Variants in ZC3H18 observed in about 807,000 individuals in gnomAD.
ZC3H18 encodes the protein zinc finger CCCH-type containing 18.
A neutral mutation model predicts 106.1 loss-of-function variants in ZC3H18; 8 were observed. The observed-to-expected ratio is 0.08, with a 90% CI of 0.04 to 0.14. The LOEUF (loss-of-function observed/expected upper bound fraction) is 0.14. Among genes scored for constraint, ZC3H18 ranks in the 10% least tolerant of loss-of-function variants. The pLI is 1.00. For synonymous variants in ZC3H18, 635 were observed against 522.1 expected (o/e 1.22, Z -2.95); for missense variants, 1,318 against 1,278.4 (o/e 1.03, Z -0.47).
chr16:88,597,417 T>A (rs1271633807), intron 3 of ZC3H18, among the ~76,000 whole-genome samples: 1 of 152,168 alleles, frequency 6.6e-6, no homozygotes, highest in Non-Finnish European at 1.5e-5. Context: ...TTGAAAAAAA[T>A]TTTTAAACCG....
intron 3 of ZC3H18, among the ~76,000 whole-genome samples, chr16:88,589,275 G>A (rs1426845769): frequency 1.3e-5 from 2 of 152,202 alleles, no homozygotes; most frequent in African/African-American, 4.8e-5. Flanking sequence ...AGAAGCTCCC[G>A]GGTACCCACT....
In ZC3H18 at chr16:88,609,048, C is replaced by T. The variant is rs757857183; in HGVS notation, c.1203C>T (p.Tyr401=). 3.1e-6 allele frequency: 5 copies of T among 1,610,432 alleles called. No individual in the cohort carries two copies. The highest frequency in any genetic ancestry group is 4.2e-6 in the Non-Finnish European group (5 of 1,177,368). ...QYTETEPYHN[Y]RERERERERE... Reference sequence around the variant, plus strand: ...CAGAAACAGAGCCGTATCATAATTACCGAGTAAGTATGACTTCAATATCCA... The same window carrying T: ...CAGAAACAGAGCCGTATCATAATTATCGAGTAAGTATGACTTCAATATCCA... Residue 401 remains tyrosine, a synonymous_variant, in exon 7 of 18, where the codon TAC becomes TAT. Transcript: ENST00000301011.
In ZC3H18 at chr16:88,631,617, G is replaced by C; in HGVS notation, c.*318G>C. 1 of 485,072 alleles carries C rather than the reference G, an allele frequency of 2.1e-6. No homozygotes were observed. The highest frequency in any genetic ancestry group is 4.1e-6 in the Non-Finnish European group (1 of 246,764). 30.0% of individuals were successfully genotyped at this position (485,072 alleles called of 1,614,324 possible). A position where few individuals can be genotyped will look rare whatever the true frequency, so the allele number is the denominator to read the frequency against. ...CTCCTCCGTCTTCTTCCCTGGCCCT[G>C]GTCAGGCCTGTGGAGCCCCAGCTCT... On this transcript the variant is annotated 3_prime_UTR_variant, in exon 18 of 18. Coordinates refer to ENST00000301011, the MANE Select transcript of ZC3H18 (RefSeq NM_144604.4).
chr16:88,611,369 AGAGCGGGAGCGCGAGCGC>A lies in ZC3H18; in HGVS notation c.1311_1328del (p.Glu437_Arg442del). 2 of 986,114 alleles carry A rather than the reference AGAGCGGGAGCGCGAGCGC, an allele frequency of 2.0e-6. No individual in the cohort carries two copies. Among genetic ancestry groups the A allele is most frequent in the Non-Finnish European group, 3.2e-6 (2 of 632,284 alleles). 61.1% of individuals were successfully genotyped at this position (986,114 alleles called of 1,614,324 possible). A position where few individuals can be genotyped will look rare whatever the true frequency, so the allele number is the denominator to read the frequency against. ...AGCGCCGGCAGAGGGAGCGCGAGCG[AGAGCGGGAGCGCGAGCGC>A]GACAAGGAGCGGCAGCGGAGGAAGG... On this transcript the variant is annotated inframe_deletion, in exon 8 of 18. Transcript: ENST00000301011.
intron 15 of ZC3H18, 146 bp from the exon 16 acceptor site, chr16:88,628,612 A>G (rs111575892): frequency 0.051 from 41,440 of 810,804 alleles, 1,168 homozygotes; most frequent in Non-Finnish European, 0.061. Flanking sequence ...TGGAGGCCTC[A>G]CTCAGGGCTA....
intron 1 of ZC3H18, 43 bp from the exon 2 acceptor site, chr16:88,577,067 C>A: frequency 6.7e-7 from 1 of 1,499,356 alleles, no homozygotes. Flanking sequence ...GGTTTGTTTT[C>A]CATTTTGCTA....
chr16:88,593,299 C>G (rs1904305361), intron 3 of ZC3H18, among the ~76,000 whole-genome samples: 1 of 152,174 alleles, frequency 6.6e-6, no homozygotes, highest in South Asian at 2.1e-4. Flanking sequence ...CGCCGTACCC[C>G]CAACGGTTGT....
chr16:88,607,231 T>C (rs945773436), intron 6 of ZC3H18, among the ~76,000 whole-genome samples: 5 of 152,294 alleles, frequency 3.3e-5, no homozygotes, highest in East Asian at 1.9e-4. Flanking sequence ...GCCTCCTCCT[T>C]CTGGCCGCCG....
intron 3 of ZC3H18, chr16:88,587,648 C>T (rs1915513774): frequency 6.6e-7 from 1 of 1,510,292 alleles, no homozygotes; most frequent in South Asian, 1.2e-5. Context: ...TCTTCAGTAC[C>T]TTAAAGTCCC....
intron 3 of ZC3H18, 43 bp downstream of exon 3, chr16:88,586,727 C>T: frequency 6.4e-7 from 1 of 1,564,118 alleles, no homozygotes; most frequent in African/African-American, 1.4e-5. Context: ...CAGCTGGGGC[C>T]CCACCTTCTG....
At chr16:88,602,544 G>C (rs950886093) in intron 6 of ZC3H18, among the ~76,000 whole-genome samples, 1 of 152,218 alleles carries the variant, frequency 6.6e-6, no homozygotes, top group African/African-American at 2.4e-5. Context: ...GAGAGCCCAG[G>C]CCAGTGGTTT....
chr16:88,606,356 G>T (rs1405875759), intron 6 of ZC3H18, among the ~76,000 whole-genome samples: 1 of 152,218 alleles, frequency 6.6e-6, no homozygotes, highest in Non-Finnish European at 1.5e-5. Context: ...GGAGCAGATG[G>T]TTCCGAGGCA....
chr16:88,624,413 G>A (rs1906163746), intron 11 of ZC3H18, 189 bp from the exon 12 acceptor site: 9 of 904,520 alleles, frequency 1.0e-5, no homozygotes, highest in Non-Finnish European at 1.5e-5. Flanking sequence ...GGGCTGCTGG[G>A]GGCTTTGAAG....
At chr16:88,622,540 G>T in intron 9 of ZC3H18, 152 bp downstream of exon 9, 2 of 818,364 alleles carry the variant, frequency 2.4e-6, no homozygotes, top group South Asian at 3.9e-5. Flanking sequence ...CTAACCCGGC[G>T]TTTATACCTT....
At chr16:88,601,074 CT>C (rs1204963166) in intron 6 of ZC3H18, among the ~76,000 whole-genome samples, 1 of 152,248 alleles carries the variant, frequency 6.6e-6, no homozygotes, top group East Asian at 1.9e-4. Flanking sequence ...TCAAGGCCTT[CT>C]TGCCGCGAGC....
At chr16:88,598,432 C>G (rs571143827) in intron 4 of ZC3H18, 106 bp downstream of exon 4, 22 of 1,507,956 alleles carry the variant, frequency 1.5e-5, no homozygotes, top group Non-Finnish European at 1.8e-5. Context: ...CTCAGTGCCC[C>G]CTTTCGGCTG....
chr16:88,598,100 C>G, intron 3 of ZC3H18, 78 bp from the exon 4 acceptor site: 1 of 266,570 alleles, frequency 3.8e-6, no homozygotes, highest in Non-Finnish European at 7.3e-6. Context: ...CTGCCCCCTC[C>G]CACCCCCCAC....
At chr16:88,619,274 A>C (rs1905811313) in intron 8 of ZC3H18, among the ~76,000 whole-genome samples, 1 of 152,002 alleles carries the variant, frequency 6.6e-6, no homozygotes, top group Non-Finnish European at 1.5e-5. Context: ...GCTCTGTCTC[A>C]AAAAAAAGAA....
Position 88,577,771 on chromosome 16 carries a change from G to C in ZC3H18, c.603+45G>C, listed in dbSNP as rs749099142. The C allele has an allele frequency of 2.1e-5, 34 of 1,611,710 alleles. 1 individual carries two copies. The South Asian group carries it at 2.9e-4, about 14-fold the overall frequency. On this transcript the variant is annotated intron_variant, in intron 2 of 17. Transcript: ENST00000301011. ...GCGTCGCGGGGCATCCTGCCCAGCA[G>C]CCTGACATAGACTGGTGCTGGAAAG...
Sources: gnomAD v4.1 joint callset for allele counts (sites outside exome capture counted in the v4.1 genomes callset) on GRCh38, gnomAD v4.1.1 for gene constraint, MANE v1.5 for transcripts, NCBI Gene and HGNC (gene_info 2026-07-23, HGNC 2026-07-21) for gene names.